DYNC2I1: variants seen among roughly 807,000 people sequenced by gnomAD.
DYNC2I1 encodes the protein dynein 2 intermediate chain 1, also known as cytoplasmic dynein 2 intermediate chain 1.
A neutral mutation model predicts 133.4 loss-of-function variants in DYNC2I1; 89 were observed. The observed-to-expected ratio is 0.67, with a 90% CI of 0.56 to 0.80. The LOEUF (loss-of-function observed/expected upper bound fraction) is 0.80, where lower values mean the gene tolerates loss of function less well. DYNC2I1 is among the 30% of genes least tolerant of loss of function. The pLI, the probability that DYNC2I1 is intolerant of heterozygous loss-of-function variation, is 0.00. For missense variants in DYNC2I1, 1,291 were observed against 1,314.5 expected (o/e 0.98, Z 0.28); for synonymous variants, 504 against 484.3 (o/e 1.04, Z -0.54).
At chr7:158,957,279 G>T (rs761153086), downstream of DYNC2I1, among the ~76,000 whole-genome samples, 2 of 152,214 alleles carry the variant, frequency 1.3e-5, no homozygotes, top group Non-Finnish European at 2.9e-5. Context: ...CAACCTCTGC[G>T]GCGCTGGCCT....
At chr7:158,918,006 C>G (rs1027390594) in intron 14 of DYNC2I1, among the ~76,000 whole-genome samples, 4 of 152,096 alleles carry the variant, frequency 2.6e-5, no homozygotes, top group Non-Finnish European at 2.9e-5. Flanking sequence ...CTGTCTGTTT[C>G]TGCCTTCCTC....
intron 1 of DYNC2I1, among the ~76,000 whole-genome samples, chr7:158,865,639 CCT>C: frequency 6.6e-6 from 1 of 152,268 alleles, no homozygotes; most frequent in South Asian, 2.1e-4. Context: ...TCCTGAGTCT[CCT>C]CACCCCAGTC....
chr7:158,844,684 G>C, the DYNC2I1 span, among the ~76,000 whole-genome samples: 14 of 151,956 alleles, frequency 9.2e-5, no homozygotes, highest in African/African-American at 3.1e-4. Flanking sequence ...GTGCAATGGT[G>C]CAATCTTGGC....
At chr7:158,894,863 G>T (rs1845619049) in intron 8 of DYNC2I1, among the ~76,000 whole-genome samples, 1 of 144,602 alleles carries the variant, frequency 6.9e-6, no homozygotes, top group African/African-American at 2.6e-5. Context: ...GGTGTTGTTG[G>T]TGTTCTGGAT....
intron 10 of DYNC2I1, chr7:158,905,432 T>C (rs1846697233): frequency 4.7e-6 from 1 of 214,318 alleles, no homozygotes; most frequent in African/African-American, 2.4e-5. Context: ...TGAGCCATCG[T>C]ATCTGGCCAA....
chr7:158,860,544 C>G (rs1841779335), intron 1 of DYNC2I1, among the ~76,000 whole-genome samples: 2 of 152,194 alleles, frequency 1.3e-5, no homozygotes, highest in African/African-American at 4.8e-5. Context: ...AGGCTTTACA[C>G]CTGCCTGCAT....
At chr7:158,930,168 T>C (rs1850077348) in intron 20 of DYNC2I1, among the ~76,000 whole-genome samples, 1 of 150,896 alleles carries the variant, frequency 6.6e-6, no homozygotes, top group African/African-American at 2.5e-5. Context: ...TATGGTTTGC[T>C]TACCCCCCTT....
intron 1 of DYNC2I1, among the ~76,000 whole-genome samples, chr7:158,858,424 A>AG (rs1313835550): frequency 6.6e-6 from 1 of 152,182 alleles, no homozygotes; most frequent in African/African-American, 2.4e-5. Context: ...TCAGGGTCAA[A>AG]GGGGTCATCT....
intron 8 of DYNC2I1, among the ~76,000 whole-genome samples, chr7:158,892,714 G>A (rs1428452759): frequency 6.6e-6 from 1 of 152,018 alleles, no homozygotes; most frequent in Non-Finnish European, 1.5e-5. Context: ...GGGAGGCCGA[G>A]GTGGGTGGAT....
chr7:158,930,543 A>T, intron 21 of DYNC2I1, 28 bp downstream of exon 21: 1 of 1,595,276 alleles, frequency 6.3e-7, no homozygotes, highest in East Asian at 2.2e-5. Flanking sequence ...ATGCTTCACT[A>T]TCTCACAAAG....
intron 24 of DYNC2I1, among the ~76,000 whole-genome samples, chr7:158,944,731 C>T (rs910803390): frequency 1.3e-5 from 2 of 152,186 alleles, no homozygotes; most frequent in African/African-American, 4.8e-5. Flanking sequence ...TCATCAGGCA[C>T]AGCCAGGATC....
chr7:158,887,730 C>A (rs1358985548), intron 7 of DYNC2I1, among the ~76,000 whole-genome samples: 1 of 152,180 alleles, frequency 6.6e-6, no homozygotes, highest in Non-Finnish European at 1.5e-5. Flanking sequence ...GCTTCTCTGG[C>A]AAATTCTACC....
intron 9 of DYNC2I1, among the ~76,000 whole-genome samples, chr7:158,902,068 T>G (rs1464240614): frequency 6.6e-6 from 1 of 152,240 alleles, no homozygotes; most frequent in Non-Finnish European, 1.5e-5. Flanking sequence ...AAAAGATGTA[T>G]ACATAGGTAT....
At chr7:158,901,897 CCTTTTTATT>C in intron 9 of DYNC2I1, 81 bp downstream of exon 9, 1 of 1,071,226 alleles carries the variant, frequency 9.3e-7, no homozygotes. Context: ...AATTTGATGT[CCTTTTTATT>C]CTTTTTATTA....
In DYNC2I1 at chr7:158,876,676, A is replaced by G. The variant is rs767646510; in HGVS notation, c.558A>G (p.Arg186=). 6.4e-7 allele frequency: 1 copy of G among 1,573,040 alleles called. No homozygotes were observed. ...GAGGAGATGAAGATAGAGAAAGAAG[A>G]TACCGAGAAAGAAAGGTATACGAAG... ...SERGDEDRER[R]YRERKLQYGD... The change falls in exon 4 of 25, where the codon AGA becomes AGG. Residue 186 remains arginine (R), a synonymous_variant. Coordinates refer to ENST00000407559, the MANE Select transcript of DYNC2I1 (RefSeq NM_018051.5).
At chr7:158,905,134 C>CTTTT in intron 10 of DYNC2I1, 1 of 313,840 alleles carries the variant, frequency 3.2e-6, no homozygotes, top group Non-Finnish European at 6.1e-6. Context: ...TCTTGTCTTT[C>CTTTT]TTTTTCTTTT....
intron 8 of DYNC2I1, among the ~76,000 whole-genome samples, chr7:158,897,044 C>G (rs1178107628): frequency 6.7e-6 from 1 of 148,302 alleles, no homozygotes; most frequent in Non-Finnish European, 1.5e-5. Flanking sequence ...AGTGCAGTGG[C>G]ACGGTCTCAG....
intron 5 of DYNC2I1, among the ~76,000 whole-genome samples, chr7:158,881,675 A>G (rs375430095): frequency 7.6e-4 from 116 of 152,102 alleles, no homozygotes; most frequent in South Asian, 1.5e-3. Flanking sequence ...GGATGGTCTC[A>G]ATCTCCTGAC....
intron 8 of DYNC2I1, among the ~76,000 whole-genome samples, chr7:158,901,029 C>G (rs1846198796): frequency 6.6e-6 from 1 of 152,082 alleles, no homozygotes. Flanking sequence ...CTGATAATTC[C>G]AACATCCCTG....
Sources: gnomAD v4.1 joint callset for allele counts (sites outside exome capture counted in the v4.1 genomes callset) on GRCh38, gnomAD v4.1.1 for gene constraint, MANE v1.5 for transcripts, NCBI Gene and HGNC (gene_info 2026-07-23, HGNC 2026-07-21) for gene names.